Variants in MMP16 observed in about 807,000 individuals in gnomAD.
The protein encoded by MMP16 is matrix metallopeptidase 16.
A neutral mutation model predicts 67.8 loss-of-function variants in MMP16; 12 were observed. That is an observed-to-expected ratio of 0.18 (90% confidence interval 0.11 to 0.29). MMP16 has a LOEUF of 0.29. Ranked by LOEUF, MMP16 falls within the 10% of genes least tolerant of loss-of-function variation. The probability of loss-of-function intolerance (pLI) is 1.00; values close to 1 mark genes in which losing one functional copy is unlikely to be tolerated. For synonymous variants in MMP16, 249 were observed against 255.9 expected (o/e 0.97, Z 0.26); for missense variants, 475 against 765.7 (o/e 0.62, Z 4.48).
chr8:88,188,261 A>G (rs1206746501), intron 2 of MMP16, among the ~76,000 whole-genome samples: 1 of 152,198 alleles, frequency 6.6e-6, no homozygotes, highest in African/African-American at 2.4e-5. Context: ...TTGCTTTTAT[A>G]TATGGGTATT....
chr8:88,317,257 G>C (rs866767880), intron 1 of MMP16, among the ~76,000 whole-genome samples: 1 of 152,114 alleles, frequency 6.6e-6, no homozygotes, highest in South Asian at 2.1e-4. Flanking sequence ...GAAAGGAATA[G>C]TCAATCAATG....
At chr8:88,172,278 A>G (rs1586188182) in intron 3 of MMP16, among the ~76,000 whole-genome samples, 1 of 152,342 alleles carries the variant, frequency 6.6e-6, no homozygotes, top group South Asian at 2.1e-4. Flanking sequence ...ACTTTTTATA[A>G]CACATACAAT....
In MMP16 at chr8:88,239,601, C is replaced by T. The variant is rs374160182; in HGVS notation, c.133-42295G>A. Among the ~76,000 whole-genome samples, 7 of 151,724 alleles carry T rather than the reference C, an allele frequency of 4.6e-5. No homozygotes were observed. The East Asian group carries it at 9.7e-4, about 21-fold the overall frequency. ...TTAAGCTGAAAAATCTCATGGTTTCCACAGATGTAAACAAAACCTTTACAT... is the reference window on the plus strand; with the variant it reads ...TTAAGCTGAAAAATCTCATGGTTTCTACAGATGTAAACAAAACCTTTACAT... On this transcript the variant is annotated intron_variant, in intron 1 of 9. Coordinates refer to ENST00000286614, the MANE Select transcript of MMP16 (RefSeq NM_005941.5).
intron 1 of MMP16, among the ~76,000 whole-genome samples, chr8:88,243,998 A>G (rs1810072229): frequency 6.6e-6 from 1 of 151,858 alleles, no homozygotes. Context: ...AGTTACTGGA[A>G]TTGTTTTTTA....
intron 8 of MMP16, among the ~76,000 whole-genome samples, chr8:88,051,834 T>C (rs1808275226): frequency 6.6e-6 from 1 of 152,142 alleles, no homozygotes; most frequent in Admixed American, 6.6e-5. Flanking sequence ...TTGTGAGATG[T>C]TGAGAGATGA....
At chr8:88,136,298 A>G (rs1208182120) in intron 4 of MMP16, among the ~76,000 whole-genome samples, 1 of 151,826 alleles carries the variant, frequency 6.6e-6, no homozygotes, top group Non-Finnish European at 1.5e-5. Flanking sequence ...GCACTGTAAG[A>G]GCTTGACTAC....
chr8:88,162,787 C>T (rs763758227), intron 4 of MMP16, among the ~76,000 whole-genome samples: 3 of 151,980 alleles, frequency 2.0e-5, no homozygotes, highest in Admixed American at 6.6e-5. Context: ...GTCTCTCTGT[C>T]CTCCCACCAT....
intron 1 of MMP16, among the ~76,000 whole-genome samples, chr8:88,234,472 T>C (rs1215842861): frequency 6.6e-6 from 1 of 152,250 alleles, no homozygotes; most frequent in Non-Finnish European, 1.5e-5. Flanking sequence ...GTATCCAAAC[T>C]CTTTCTGTTT....
At chr8:88,294,229 CACACACATATATAT>C (rs1273158221) in intron 1 of MMP16, among the ~76,000 whole-genome samples, 3 of 148,450 alleles carry the variant, frequency 2.0e-5, no homozygotes, top group African/African-American at 7.5e-5. Context: ...TATATATATA[CACACACATATATAT>C]ACACATATAT....
intron 1 of MMP16, among the ~76,000 whole-genome samples, chr8:88,225,647 A>G (rs1809757640): frequency 6.6e-6 from 1 of 151,914 alleles, no homozygotes; most frequent in Non-Finnish European, 1.5e-5. Flanking sequence ...ACCCATGCAC[A>G]CACCTACAAT....
intron 1 of MMP16, among the ~76,000 whole-genome samples, chr8:88,249,801 C>A (rs1810178113): frequency 6.6e-6 from 1 of 152,018 alleles, no homozygotes; most frequent in Admixed American, 6.6e-5. Context: ...GAAATAGGAG[C>A]AACAGGGTTG....
At chr8:88,264,281 C>A (rs1810440262) in intron 1 of MMP16, among the ~76,000 whole-genome samples, 2 of 152,098 alleles carry the variant, frequency 1.3e-5, no homozygotes, top group Non-Finnish European at 2.9e-5. Context: ...CTCTTTTTAG[C>A]CTTCAACCCC....
At chr8:88,100,140 G>A (rs1809114921) in intron 6 of MMP16, among the ~76,000 whole-genome samples, 1 of 151,926 alleles carries the variant, frequency 6.6e-6, no homozygotes, top group South Asian at 2.1e-4. Context: ...TGCTTTTGGT[G>A]TTTTAGACAT....
At chr8:88,126,219 AAT>A (rs1479973962) in intron 4 of MMP16, among the ~76,000 whole-genome samples, 1 of 151,876 alleles carries the variant, frequency 6.6e-6, no homozygotes, top group Non-Finnish European at 1.5e-5. Flanking sequence ...TGGGTCAGAA[AAT>A]ATGAGTGCCT....
intron 7 of MMP16, among the ~76,000 whole-genome samples, chr8:88,071,981 C>T (rs1333048644): frequency 6.6e-6 from 1 of 151,874 alleles, no homozygotes; most frequent in East Asian, 1.9e-4. Context: ...AAAAAAATAC[C>T]TTGCCTTTAT....
At chr8:88,131,565 A>C (rs1808030738) in intron 4 of MMP16, among the ~76,000 whole-genome samples, 2 of 151,916 alleles carry the variant, frequency 1.3e-5, no homozygotes, top group South Asian at 4.1e-4. Context: ...AACATCTACC[A>C]TCCTATACCA....
chr8:88,090,863 G>A (rs1038553981), intron 6 of MMP16, among the ~76,000 whole-genome samples: 13 of 151,720 alleles, frequency 8.6e-5, no homozygotes, highest in African/African-American at 3.1e-4. Flanking sequence ...AAATAACACT[G>A]TTACTATTAT....
At chr8:88,269,480 G>A (rs935234224) in intron 1 of MMP16, among the ~76,000 whole-genome samples, 4 of 152,102 alleles carry the variant, frequency 2.6e-5, no homozygotes, top group African/African-American at 9.7e-5. Flanking sequence ...GGGAGTTGAG[G>A]GGAATAATAC....
At chr8:88,099,116 T>G (rs554441870) in intron 6 of MMP16, among the ~76,000 whole-genome samples, 11 of 151,846 alleles carry the variant, frequency 7.2e-5, no homozygotes, top group Middle Eastern at 3.5e-3. Flanking sequence ...TGTTCTAAAT[T>G]TCATATATTC....
Sources: gnomAD v4.1 joint callset for allele counts (sites outside exome capture counted in the v4.1 genomes callset) on GRCh38, gnomAD v4.1.1 for gene constraint, MANE v1.5 for transcripts, NCBI Gene and HGNC (gene_info 2026-07-23, HGNC 2026-07-21) for gene names.